Variants in SLC35F1 observed in about 807,000 individuals in gnomAD.
The protein encoded by SLC35F1 is chromosome 6 open reading frame 169.
A neutral mutation model predicts 48.7 loss-of-function variants in SLC35F1; 14 were observed. That is an observed-to-expected ratio of 0.29 (90% CI 0.19 to 0.45). The LOEUF is 0.45. Among genes scored for constraint, SLC35F1 ranks in the 20% least tolerant of loss-of-function variants. SLC35F1 has a pLI of 1.00. For synonymous variants in SLC35F1, 190 were observed against 202.2 expected, an observed-to-expected ratio of 0.94 and a Z score of 0.51; for missense variants, 404 against 500.0, an observed-to-expected ratio of 0.81 and a Z score of 1.83.
At chr6:118,267,273 G>T (rs1775785722) in intron 4 of SLC35F1, 119 bp downstream of exon 4, 2 of 1,195,342 alleles carry the variant, frequency 1.7e-6, no homozygotes, top group South Asian at 1.4e-5. Flanking sequence ...CCCACTATCT[G>T]TGTCCTGTTC....
At chr6:117,996,336 G>T (rs1057417691) in intron 1 of SLC35F1, among the ~76,000 whole-genome samples, 1 of 152,180 alleles carries the variant, frequency 6.6e-6, no homozygotes, top group Non-Finnish European at 1.5e-5. Flanking sequence ...CAAGGTGGCC[G>T]AATAGGAACA....
chr6:118,007,902 C>T (rs1012249683), intron 1 of SLC35F1, among the ~76,000 whole-genome samples: 15 of 152,104 alleles, frequency 9.9e-5, no homozygotes, highest in African/African-American at 3.6e-4. Context: ...TTCTTCTCAG[C>T]TCATGTTGGA....
At chr6:118,246,821 A>T (rs1279888369) in intron 3 of SLC35F1, among the ~76,000 whole-genome samples, 1 of 152,096 alleles carries the variant, frequency 6.6e-6, no homozygotes, top group Non-Finnish European at 1.5e-5. Context: ...AAGTTCTATG[A>T]TTTTTATCCT....
intron 1 of SLC35F1, among the ~76,000 whole-genome samples, chr6:118,001,791 G>T (rs192964221): frequency 6.6e-6 from 1 of 151,940 alleles, no homozygotes; most frequent in Non-Finnish European, 1.5e-5. Flanking sequence ...GTGGGCGAAG[G>T]ATATGAACAG....
intron 1 of SLC35F1, among the ~76,000 whole-genome samples, chr6:117,935,443 A>T (rs1340469729): frequency 6.6e-6 from 1 of 152,204 alleles, no homozygotes; most frequent in Admixed American, 6.5e-5. Flanking sequence ...ATTAATACAA[A>T]CCTTTTTAAA....
At chr6:118,051,948 C>A (rs1019184974) in intron 1 of SLC35F1, among the ~76,000 whole-genome samples, 1 of 152,118 alleles carries the variant, frequency 6.6e-6, no homozygotes, top group African/African-American at 2.4e-5. Flanking sequence ...CCTTATAAGA[C>A]CAAGCCCTAA....
At chr6:118,234,361 T>TTC (rs751500435) in intron 2 of SLC35F1, among the ~76,000 whole-genome samples, 3 of 151,932 alleles carry the variant, frequency 2.0e-5, no homozygotes, top group African/African-American at 2.4e-5. Context: ...ATCTTTGGTG[T>TTC]TCTCTCTCTC....
chr6:118,050,607 C>T (rs576234648), intron 1 of SLC35F1, among the ~76,000 whole-genome samples: 3 of 151,880 alleles, frequency 2.0e-5, no homozygotes, highest in Non-Finnish European at 4.4e-5. Flanking sequence ...GCAGGGAGAA[C>T]AACACACTTG....
intron 2 of SLC35F1, among the ~76,000 whole-genome samples, chr6:118,201,646 C>T (rs935982162): frequency 2.0e-5 from 3 of 152,120 alleles, no homozygotes; most frequent in Non-Finnish European, 4.4e-5. Flanking sequence ...ACCATTGACT[C>T]AATTAAAGTA....
chr6:118,242,477 A>G (rs977903185), intron 3 of SLC35F1, among the ~76,000 whole-genome samples: 58 of 152,238 alleles, frequency 3.8e-4, no homozygotes, highest in East Asian at 1.9e-4. Context: ...TTTCCTTATT[A>G]GAAAGTAAAA....
At chr6:117,932,995 G>C (rs2114813521) in intron 1 of SLC35F1, among the ~76,000 whole-genome samples, 1 of 152,286 alleles carries the variant, frequency 6.6e-6, no homozygotes, top group African/African-American at 2.4e-5. Context: ...AAAACTGTAA[G>C]GATAAGCTCA....
intron 1 of SLC35F1, among the ~76,000 whole-genome samples, chr6:118,094,154 A>G (rs2114350274): frequency 6.6e-6 from 1 of 152,302 alleles, no homozygotes; most frequent in South Asian, 2.1e-4. Context: ...TCGAGATGCA[A>G]AGAAAGAGAG....
intron 7 of SLC35F1, among the ~76,000 whole-genome samples, chr6:118,297,639 A>ATATATATATATATAT (rs1311369629): frequency 2.1e-4 from 25 of 120,864 alleles, no homozygotes; most frequent in African/African-American, 8.7e-4. Context: ...TATATATATA[A>ATATATATATATATAT]AAAATATATA....
chr6:118,252,036 G>A (rs879415464), intron 3 of SLC35F1, among the ~76,000 whole-genome samples: 9 of 152,146 alleles, frequency 5.9e-5, no homozygotes, highest in Non-Finnish European at 1.0e-4. Context: ...ATTGAAAGAA[G>A]TTACTAGTAG....
chr6:118,295,042 C>T (rs1437806822), intron 7 of SLC35F1, among the ~76,000 whole-genome samples: 1 of 152,098 alleles, frequency 6.6e-6, no homozygotes, highest in African/African-American at 2.4e-5. Context: ...CCTGTGCTGG[C>T]AATCCAGGTG....
At chr6:117,965,589 C>T (rs958569748) in intron 1 of SLC35F1, among the ~76,000 whole-genome samples, 2 of 152,216 alleles carry the variant, frequency 1.3e-5, no homozygotes, top group African/African-American at 2.4e-5. Flanking sequence ...GGTTGATTCC[C>T]TCACAGAGCT....
chr6:118,253,437 G>T (rs1196676290), intron 3 of SLC35F1, among the ~76,000 whole-genome samples: 1 of 152,150 alleles, frequency 6.6e-6, no homozygotes, highest in Non-Finnish European at 1.5e-5. Flanking sequence ...GTGAATCGAG[G>T]TGTTGAATGG....
At chr6:118,261,263 C>A (rs1013161431) in intron 3 of SLC35F1, among the ~76,000 whole-genome samples, 1 of 152,162 alleles carries the variant, frequency 6.6e-6, no homozygotes, top group African/African-American at 2.4e-5. Context: ...TGGATTCTCT[C>A]CTGAAACATC....
intron 3 of SLC35F1, among the ~76,000 whole-genome samples, chr6:118,242,464 T>C (rs1433890189): frequency 1.3e-5 from 2 of 152,232 alleles, no homozygotes; most frequent in Non-Finnish European, 2.9e-5. Flanking sequence ...GAAACCTAGC[T>C]GTTTTCCTTA....
Sources: gnomAD v4.1 joint callset for allele counts (sites outside exome capture counted in the v4.1 genomes callset) on GRCh38, gnomAD v4.1.1 for gene constraint, MANE v1.5 for transcripts, NCBI Gene and HGNC (gene_info 2026-07-23, HGNC 2026-07-21) for gene names.